COL4A3: variants seen among roughly 807,000 people sequenced by gnomAD.
COL4A3 encodes collagen type IV alpha 3 chain, also known as collagen alpha-3(IV) chain.
COL4A3 carries 135 observed loss-of-function variants against 217.4 expected under a neutral mutation model. That is an observed-to-expected ratio of 0.62 (90% CI 0.54 to 0.72). COL4A3 has a LOEUF of 0.72. Among genes scored for constraint, COL4A3 ranks in the 30% least tolerant of loss-of-function variants. The pLI is 0.00. For missense variants in COL4A3, 1,868 were observed against 2,119.9 expected (o/e 0.88, Z 2.33); for synonymous variants, 690 against 736.3 (o/e 0.94, Z 1.02).
At chr2:227,298,206 G>A (rs1297675384) in intron 42 of COL4A3, among the ~76,000 whole-genome samples, 2 of 152,182 alleles carry the variant, frequency 1.3e-5, no homozygotes, top group African/African-American at 2.4e-5. Flanking sequence ...AAATTAGCCA[G>A]TCTTGCTTGG....
At position 227,298,669 on chromosome 2, in the gene COL4A3, T is replaced by C. The variant is rs771532658; in HGVS notation, c.3752-13T>C. On this transcript the variant is annotated splice_polypyrimidine_tract_variant and intron_variant, in intron 42 of 51. Coordinates refer to ENST00000396578, the MANE Select transcript of COL4A3 (RefSeq NM_000091.5). Reference sequence around the variant, plus strand: ...CCTGGCTGGCAATACTGACAGACTTTTCATGAATTCAGGTGCGCCTGGTCC... The same window carrying C: ...CCTGGCTGGCAATACTGACAGACTTCTCATGAATTCAGGTGCGCCTGGTCC... 8.1e-6 allele frequency: 13 copies of C among 1,613,498 alleles called. No homozygotes were observed. Among genetic ancestry groups the C allele is most frequent in the Non-Finnish European group, 1.1e-5 (13 of 1,179,754 alleles).
intron 1 of COL4A3, chr2:227,228,691 T>A (rs1364633742): frequency 2.0e-5 from 3 of 152,188 alleles, no homozygotes; most frequent in African/African-American, 7.2e-5. Context: ...TCTGGTCTAT[T>A]AATAAAAATG....
chr2:227,240,970 G>A (rs1376594479), intron 3 of COL4A3, among the ~76,000 whole-genome samples: 3 of 149,856 alleles, frequency 2.0e-5, no homozygotes, highest in Admixed American at 6.6e-5. Context: ...TGTGTGGATC[G>A]CTCTCCTCTC....
intron 1 of COL4A3, among the ~76,000 whole-genome samples, chr2:227,207,329 T>C (rs10182218): frequency 0.11 from 16,349 of 152,238 alleles, 1,118 homozygotes; most frequent in Admixed American, 0.16. Context: ...TGCATTTTAG[T>C]ATAACATAAA....
At chr2:227,256,855 A>C (rs2070212503) in intron 17 of COL4A3, among the ~76,000 whole-genome samples, 1 of 152,184 alleles carries the variant, frequency 6.6e-6, no homozygotes, top group Non-Finnish European at 1.5e-5. Flanking sequence ...TGTTGCTTCA[A>C]GATAGGGTTA....
At chr2:227,234,839 C>T (rs750389271) in intron 1 of COL4A3, among the ~76,000 whole-genome samples, 2 of 152,188 alleles carry the variant, frequency 1.3e-5, no homozygotes, top group African/African-American at 4.8e-5. Flanking sequence ...TGTCTCAAGG[C>T]CCCCACACCT....
intron 1 of COL4A3, among the ~76,000 whole-genome samples, chr2:227,214,769 T>C (rs1417507232): frequency 2.0e-5 from 3 of 152,218 alleles, no homozygotes; most frequent in Non-Finnish European, 4.4e-5. Context: ...CTTTGAAATG[T>C]GGTCAGCTGG....
chr2:227,294,357 A>C (rs2072925903), intron 38 of COL4A3, 133 bp from the exon 39 acceptor site: 2 of 767,148 alleles, frequency 2.6e-6, no homozygotes, highest in South Asian at 2.8e-5. Flanking sequence ...TCATGGGGTG[A>C]CCTTGCAACA....
At chr2:227,225,891 T>C (rs2068062671) in intron 1 of COL4A3, among the ~76,000 whole-genome samples, 1 of 152,072 alleles carries the variant, frequency 6.6e-6, no homozygotes, top group African/African-American at 2.4e-5. Flanking sequence ...TTTGTATTTT[T>C]AGTAGAGACA....
intron 1 of COL4A3, among the ~76,000 whole-genome samples, chr2:227,187,728 G>A (rs1038776432): frequency 3.3e-5 from 5 of 152,174 alleles, no homozygotes; most frequent in Admixed American, 2.6e-4. Context: ...ACCAACGCAT[G>A]TATGTCCTAG....
At chr2:227,183,459 T>C (rs1340552819) in intron 1 of COL4A3, among the ~76,000 whole-genome samples, 1 of 152,088 alleles carries the variant, frequency 6.6e-6, no homozygotes, top group Non-Finnish European at 1.5e-5. Context: ...AGGTGGTGGA[T>C]GGAAACGAGG....
At position 227,249,230 on chromosome 2, in the gene COL4A3, A is replaced by ATTTTTTT. The variant is rs1247683938; in HGVS notation, c.546+727_546+733dup. On this transcript the variant is annotated intron_variant, in intron 9 of 51. Transcript: ENST00000396578. Reference sequence around the variant, plus strand: ...TTAGCTAGTATATATATATATATATATTTTTTTTTTTTTTTTTTTTTTTGA... The same window carrying ATTTTTTT: ...TTAGCTAGTATATATATATATATATATTTTTTTTTTTTTTTTTTTTTTTTTTTTTTGA... Among the ~76,000 whole-genome samples the ATTTTTTT allele has an allele frequency of 2.2e-3, 32 of 14,694 alleles. 3 individuals carry two copies. The highest frequency in any genetic ancestry group is 8.0e-3 in the East Asian group (3 of 376). The allele number at this position is 14,694 out of a possible 152,430, so 9.6% of individuals were successfully genotyped here.
At chr2:227,240,344 T>G (rs2125892204) in intron 3 of COL4A3, 112 bp downstream of exon 3, 1 of 1,011,606 alleles carries the variant, frequency 9.9e-7, no homozygotes, top group East Asian at 2.6e-5. Context: ...AACTGCTAGG[T>G]GCATGGTGAA....
chr2:227,271,969 T>C (rs2071268708), intron 25 of COL4A3, among the ~76,000 whole-genome samples: 1 of 152,220 alleles, frequency 6.6e-6, no homozygotes, highest in African/African-American at 2.4e-5. Flanking sequence ...AATTTAAAGA[T>C]TCATTTACAG....
chr2:227,283,954 T>A, intron 33 of COL4A3, 98 bp downstream of exon 33: 1 of 1,143,074 alleles, frequency 8.7e-7, no homozygotes, highest in Non-Finnish European at 1.3e-6. Context: ...GGAAAAATAG[T>A]TCTGAGAGAG....
At chr2:227,245,076 A>G in intron 5 of COL4A3, 81 bp downstream of exon 5, 12 of 1,338,946 alleles carry the variant, frequency 9.0e-6, no homozygotes, top group Non-Finnish European at 1.1e-5. Flanking sequence ...GTCGTGCAAG[A>G]AAATGTGTTC....
At position 227,289,050 on chromosome 2, in the gene COL4A3, A is replaced by G. The variant is rs560202408; in HGVS notation, c.2882-100A>G. ...ACTTCAACCTCTGTCTCCCAGGTTC[A>G]AGTGATTTTCCTGCCTCAGCCTCCC... is the stretch of plus-strand genomic sequence containing the variant. On this transcript the variant is annotated intron_variant, in intron 34 of 51. Coordinates refer to ENST00000396578, the MANE Select transcript of COL4A3 (RefSeq NM_000091.5). The G allele has an allele frequency of 9.6e-6, 8 of 835,002 alleles. No individual in the cohort carries two copies. In the South Asian group the frequency reaches 1.1e-4, roughly 12 times the overall value. 51.7% of individuals were successfully genotyped at this position (835,002 alleles called of 1,614,324 possible).
chr2:227,205,452 A>C (rs1405362618), intron 1 of COL4A3, among the ~76,000 whole-genome samples: 1 of 152,176 alleles, frequency 6.6e-6, no homozygotes, highest in African/African-American at 2.4e-5. Flanking sequence ...CTTTCAATGC[A>C]TTGAGACATA....
At chr2:227,167,044 G>A (rs1455002065) in intron 1 of COL4A3, among the ~76,000 whole-genome samples, 6 of 152,140 alleles carry the variant, frequency 3.9e-5, no homozygotes, top group African/African-American at 1.4e-4. Context: ...GAGAGAAGTT[G>A]GGAATCCAGT....
Sources: gnomAD v4.1 joint callset for allele counts (sites outside exome capture counted in the v4.1 genomes callset) on GRCh38, gnomAD v4.1.1 for gene constraint, MANE v1.5 for transcripts, NCBI Gene and HGNC (gene_info 2026-07-23, HGNC 2026-07-21) for gene names.